The following UQCC1 variants were observed in gnomAD, a reference collection of about 807,000 sequenced individuals.
UQCC1 encodes the protein bFGF-repressed Zic-binding protein.
A neutral mutation model predicts 48.0 loss-of-function variants in UQCC1; 38 were observed. That is an observed-to-expected ratio of 0.79 (90% CI 0.61 to 1.04). The LOEUF is 1.04. Ranked by LOEUF, UQCC1 falls within the 50% of genes least tolerant of loss-of-function variation. UQCC1 has a pLI of 0.00. For missense variants in UQCC1, 368 were observed against 381.8 expected (o/e 0.96, Z 0.30); for synonymous variants, 111 against 129.2 (o/e 0.86, Z 0.95).
chr20:35,322,108 C>T (rs2061137856), intron 7 of UQCC1, among the ~76,000 whole-genome samples: 1 of 152,192 alleles, frequency 6.6e-6, no homozygotes, highest in Non-Finnish European at 1.5e-5. Flanking sequence ...CTATAATCTA[C>T]TTTGGTTTCT....
intron 6 of UQCC1, among the ~76,000 whole-genome samples, chr20:35,350,642 C>T (rs1228601597): frequency 1.3e-5 from 2 of 152,056 alleles, no homozygotes; most frequent in Non-Finnish European, 2.9e-5. Flanking sequence ...GTTGCAGTGC[C>T]AAGATCGCAC....
chr20:35,339,488 A>T (rs1247557169), intron 7 of UQCC1, among the ~76,000 whole-genome samples: 1 of 152,234 alleles, frequency 6.6e-6, no homozygotes, highest in Non-Finnish European at 1.5e-5. Context: ...CATAAACAAA[A>T]GCCTAGAGGC....
At chr20:35,397,819 G>C (rs1234975418) in intron 1 of UQCC1, among the ~76,000 whole-genome samples, 2 of 152,116 alleles carry the variant, frequency 1.3e-5, no homozygotes, top group East Asian at 3.9e-4. Context: ...ATTGTACTAG[G>C]AGTCAAAGAT....
chr20:35,305,151 G>A (rs1285282438), intron 9 of UQCC1, among the ~76,000 whole-genome samples: 3 of 152,208 alleles, frequency 2.0e-5, no homozygotes, highest in Non-Finnish European at 2.9e-5. Flanking sequence ...CCGTGTGCCT[G>A]GGCTTCCTCA....
intron 3 of UQCC1, among the ~76,000 whole-genome samples, 190 bp from the exon 4 acceptor site, chr20:35,382,215 T>C (rs1172194349): frequency 1.3e-5 from 2 of 152,044 alleles, no homozygotes; most frequent in Non-Finnish European, 2.9e-5. Flanking sequence ...CAAGTGATCC[T>C]CCTGCCTCAG....
chr20:35,382,431 A>G (rs990538663), intron 3 of UQCC1, among the ~76,000 whole-genome samples: 7 of 150,384 alleles, frequency 4.7e-5, no homozygotes, highest in Admixed American at 1.3e-4. Flanking sequence ...GTGAGCCACC[A>G]TGCTTGGGCT....
At chr20:35,375,742 G>C (rs1410155207) in intron 4 of UQCC1, among the ~76,000 whole-genome samples, 5 of 151,890 alleles carry the variant, frequency 3.3e-5, no homozygotes, top group Non-Finnish European at 5.9e-5. Context: ...GCTGAGCCCA[G>C]GAGTTGGAGA....
intron 6 of UQCC1, among the ~76,000 whole-genome samples, chr20:35,360,774 T>G (rs571936321): frequency 6.6e-6 from 1 of 152,086 alleles, no homozygotes; most frequent in Non-Finnish European, 1.5e-5. Flanking sequence ...AGGACACAGA[T>G]AGTGAGCGCC....
At chr20:35,371,493 A>G (rs1008799560) in intron 5 of UQCC1, among the ~76,000 whole-genome samples, 2 of 151,716 alleles carry the variant, frequency 1.3e-5, no homozygotes, top group African/African-American at 2.4e-5. Flanking sequence ...ACCCACCACC[A>G]TGCCCAGCTA....
chr20:35,306,430 G>T, intron 9 of UQCC1: 1 of 499,154 alleles, frequency 2.0e-6, no homozygotes, highest in Non-Finnish European at 3.7e-6. Context: ...AAGTTCCTGA[G>T]GGCAGGAGAC....
At position 35,347,237 on chromosome 20, in the gene UQCC1, C is replaced by T; in HGVS notation, c.500G>A (p.Ser167Asn). 6.2e-7 allele frequency: 1 copy of T among 1,614,166 alleles called. No homozygotes were observed. Among genetic ancestry groups the T allele is most frequent in the Non-Finnish European group, 8.5e-7 (1 of 1,180,028 alleles). The change falls in exon 7 of 10, where the codon AGT becomes AAT. Residue 167 changes from serine to asparagine, a missense_variant. By Grantham distance (46) the Ser-to-Asn change is conservative. Transcript: ENST00000374385. ...TATGATACGACACATGTACTTCCCA[C>T]TCCGGCCTTCCTGCTTCATTCGGAC... ...CLVRMKQEGR[S>N]GKYMCRIIVH...
chr20:35,360,954 T>G (rs977829098), intron 6 of UQCC1, among the ~76,000 whole-genome samples: 3 of 151,762 alleles, frequency 2.0e-5, no homozygotes, highest in African/African-American at 7.3e-5. Context: ...AACTTCAGAG[T>G]TGTCTCGGGT....
At chr20:35,388,279 C>T (rs2061970500) in intron 2 of UQCC1, among the ~76,000 whole-genome samples, 2 of 124,334 alleles carry the variant, frequency 1.6e-5, no homozygotes, top group Admixed American at 9.1e-5. Flanking sequence ...ACCACACCTG[C>T]CCCTTCTATT....
intron 8 of UQCC1, among the ~76,000 whole-genome samples, chr20:35,309,583 C>A (rs1056590891): frequency 6.6e-6 from 1 of 152,174 alleles, no homozygotes; most frequent in Non-Finnish European, 1.5e-5. Flanking sequence ...GAAGAAGGGT[C>A]CTGGGAACCA....
chr20:35,394,688 G>A (rs1386107529), intron 1 of UQCC1, among the ~76,000 whole-genome samples: 7 of 152,176 alleles, frequency 4.6e-5, no homozygotes. Flanking sequence ...GATACCAAAT[G>A]TGCAGGGGCA....
intron 5 of UQCC1, among the ~76,000 whole-genome samples, chr20:35,371,144 A>G (rs2061725281): frequency 1.3e-5 from 2 of 152,206 alleles, no homozygotes; most frequent in South Asian, 4.1e-4. Flanking sequence ...GAATTGAAAC[A>G]TGATATGTTA....
At position 35,394,093 on chromosome 20, in the gene UQCC1, T is replaced by C; in HGVS notation, c.128A>G (p.Gln43Arg). Residue 43 changes from glutamine to arginine, a missense_variant and splice_region_variant, in exon 2 of 10, where the codon CAG (glutamine) becomes CGG (arginine). Physicochemically the swap from Gln to Arg is conservative, Grantham distance 43 (BLOSUM62 1). Transcript: ENST00000374385. ...QGDRALSRTS[Q>R]WPQMSQSRAC... Reference sequence around the variant, plus strand: ...AAGCAAAAGAACAACAAATCTTACCTGGGAAGTGCGAGACAGAGCCCTGTC... The same window carrying C: ...AAGCAAAAGAACAACAAATCTTACCCGGGAAGTGCGAGACAGAGCCCTGTC... 1 of 1,612,850 alleles carries C rather than the reference T, an allele frequency of 6.2e-7. No individual in the cohort carries two copies. Among genetic ancestry groups the C allele is most frequent in the Non-Finnish European group, 8.5e-7 (1 of 1,178,908 alleles).
intron 7 of UQCC1, among the ~76,000 whole-genome samples, chr20:35,340,213 T>C (rs1224480457): frequency 6.6e-6 from 1 of 152,152 alleles, no homozygotes; most frequent in East Asian, 1.9e-4. Context: ...CTGAGGCACC[T>C]ACTCCTCGAA....
At chr20:35,317,588 G>A (rs1021033928) in intron 7 of UQCC1, among the ~76,000 whole-genome samples, 3 of 152,282 alleles carry the variant, frequency 2.0e-5, no homozygotes, top group African/African-American at 7.2e-5. Flanking sequence ...CATATTTTCT[G>A]CCTGGGTACA....
Sources: gnomAD v4.1 joint callset for allele counts (sites outside exome capture counted in the v4.1 genomes callset) on GRCh38, gnomAD v4.1.1 for gene constraint, MANE v1.5 for transcripts, NCBI Gene and HGNC (gene_info 2026-07-23, HGNC 2026-07-21) for gene names.